LIMCH1: variants seen among roughly 807,000 people sequenced by gnomAD.
The protein encoded by LIMCH1 is LIM and calponin homology domains-containing protein 1.
A neutral mutation model predicts 176.5 loss-of-function variants in LIMCH1; 113 were observed. That is an observed-to-expected ratio of 0.64 (90% CI 0.55 to 0.75). The LOEUF is 0.75. Ranked by LOEUF, LIMCH1 falls within the 30% of genes least tolerant of loss-of-function variation. The probability of loss-of-function intolerance (pLI) is 0.00; values close to 1 mark genes in which losing one functional copy is unlikely to be tolerated. For synonymous variants in LIMCH1, 619 were observed against 645.9 expected, an observed-to-expected ratio of 0.96 and a Z score of 0.63; for missense variants, 1,674 against 1,814.9, an observed-to-expected ratio of 0.92 and a Z score of 1.41.
chr4:41,625,070 G>A (rs2092852019), intron 7 of LIMCH1, among the ~76,000 whole-genome samples: 1 of 152,142 alleles, frequency 6.6e-6, no homozygotes, highest in South Asian at 2.1e-4. Flanking sequence ...AAATAAAAGT[G>A]CCAAACCTCC....
chr4:41,613,387 G>T (rs2091697506), intron 4 of LIMCH1, 79 bp from the exon 5 acceptor site: 10 of 1,210,204 alleles, frequency 8.3e-6, no homozygotes, highest in Non-Finnish European at 9.3e-6. Flanking sequence ...GGGTTTTTTT[G>T]GAGACCACTG....
chr4:41,645,394 C>T (rs975256363), intron 15 of LIMCH1, among the ~76,000 whole-genome samples: 1 of 152,196 alleles, frequency 6.6e-6, no homozygotes, highest in African/African-American at 2.4e-5. Flanking sequence ...GTGCCTGGCA[C>T]CTTACGTCTA....
At chr4:41,592,422 T>A (rs930771341) in intron 1 of LIMCH1, among the ~76,000 whole-genome samples, 3 of 152,228 alleles carry the variant, frequency 2.0e-5, no homozygotes, top group Non-Finnish European at 2.9e-5. Flanking sequence ...ACTGTCAAGC[T>A]GGTGGTTAAT....
intron 2 of LIMCH1, among the ~76,000 whole-genome samples, chr4:41,495,272 G>A (rs1230933292): frequency 2.0e-5 from 3 of 152,186 alleles, no homozygotes; most frequent in Non-Finnish European, 2.9e-5. Flanking sequence ...AACAGGTTTT[G>A]TGATTTCAAT....
chr4:41,680,180 C>A, intron 24 of LIMCH1, 82 bp downstream of exon 24: 2 of 910,716 alleles, frequency 2.2e-6, no homozygotes, highest in Non-Finnish European at 3.5e-6. Flanking sequence ...CTGTGGCATG[C>A]GGATGCATGT....
intron 27 of LIMCH1, among the ~76,000 whole-genome samples, chr4:41,685,248 T>C (rs1172876122): frequency 1.3e-5 from 2 of 152,338 alleles, no homozygotes; most frequent in South Asian, 2.1e-4. Context: ...GGTTTGATTA[T>C]AATACATAAG....
chr4:41,373,883 G>A (rs1329519135), intron 1 of LIMCH1, among the ~76,000 whole-genome samples: 1 of 152,138 alleles, frequency 6.6e-6, no homozygotes, highest in Non-Finnish European at 1.5e-5. Context: ...TCTTGAGATA[G>A]TGAGGGAGCT....
At chr4:41,498,642 T>C (rs2072650042) in intron 2 of LIMCH1, among the ~76,000 whole-genome samples, 1 of 152,226 alleles carries the variant, frequency 6.6e-6, no homozygotes, top group Non-Finnish European at 1.5e-5. Flanking sequence ...TACGGCACAG[T>C]GTCCTTGATG....
intron 1 of LIMCH1, among the ~76,000 whole-genome samples, chr4:41,480,805 A>G (rs999552588): frequency 3.9e-5 from 6 of 152,190 alleles, no homozygotes; most frequent in African/African-American, 1.4e-4. Context: ...ATGCTGTGGT[A>G]AAGCTCATTT....
intron 30 of LIMCH1, among the ~76,000 whole-genome samples, chr4:41,690,643 G>A (rs1724807213): frequency 6.6e-6 from 1 of 152,048 alleles, no homozygotes; most frequent in Non-Finnish European, 1.5e-5. Flanking sequence ...AAATTTGCCT[G>A]GGTTTAAAAT....
chr4:41,639,367 C>T (rs188685640), intron 14 of LIMCH1, among the ~76,000 whole-genome samples: 1 of 152,300 alleles, frequency 6.6e-6, no homozygotes, highest in East Asian at 1.9e-4. Context: ...CCCATAGTCT[C>T]ATTTTTTAAC....
intron 2 of LIMCH1, among the ~76,000 whole-genome samples, chr4:41,503,964 G>A (rs966773736): frequency 3.9e-5 from 6 of 152,168 alleles, no homozygotes; most frequent in African/African-American, 1.2e-4. Flanking sequence ...TTGGAGTTGC[G>A]AGAGAGACCT....
intron 14 of LIMCH1, among the ~76,000 whole-genome samples, chr4:41,641,126 C>T (rs1319780501): frequency 6.6e-6 from 1 of 152,158 alleles, no homozygotes; most frequent in Non-Finnish European, 1.5e-5. Context: ...CCAAGGGAGA[C>T]TCCTGGACTC....
Position 41,418,583 on chromosome 4 carries a change from G to A in LIMCH1, c.96+57647G>A, listed in dbSNP as rs182531978. On this transcript the variant is annotated intron_variant, in intron 1 of 26. Coordinates refer to the LIMCH1 transcript ENST00000313860. The stretch of plus-strand genomic sequence containing the variant: ...CCTGCAGTCTGGTTGACAAGCCTCC[G>A]TGCCCGGCACCTGCGCCTTGTTGCC... 4.1e-4 allele frequency among the ~76,000 whole-genome samples: 59 copies of A among 144,346 alleles called. No individual in the cohort carries two copies. In the Middle Eastern group the frequency reaches 0.021, roughly 52 times the overall value. The allele number at this position is 144,346 out of a possible 152,430, so 94.7% of individuals were successfully genotyped here.
At chr4:41,495,032 C>A (rs941787081) in intron 2 of LIMCH1, among the ~76,000 whole-genome samples, 2 of 152,188 alleles carry the variant, frequency 1.3e-5, no homozygotes, top group African/African-American at 4.8e-5. Context: ...TAATGCTCCT[C>A]ACTTTGCCTG....
In LIMCH1 at chr4:41,650,481, C is replaced by T. The variant is rs2094247164; in HGVS notation, c.2909C>T (p.Ser970Phe). 1 of 1,614,006 alleles carries T rather than the reference C, an allele frequency of 6.2e-7. No homozygotes were observed. The highest frequency in any genetic ancestry group is 1.3e-5 in the African/African-American group (1 of 74,908). ...TGTCCCACGGTGGCACCTGCCCACTCCTTAACCAAATCCCAGATGTTTGAA... is the reference window on the plus strand; with the variant it reads ...TGTCCCACGGTGGCACCTGCCCACTTCTTAACCAAATCCCAGATGTTTGAA... ...RECPTVAPAH[S>F]LTKSQMFEGV... The change falls in exon 18 of 32, where the codon TCC becomes TTC. Residue 970 changes from serine (S) to phenylalanine (F), a missense_variant. Ser to Phe is a radical substitution (Grantham distance 155). This residue lies in a region of LIMCH1 where 1,015 missense variants were observed against 1,102.5 expected (regional missense o/e 0.92). Transcript: ENST00000503057.
At chr4:41,566,609 A>G (rs538666654) in intron 1 of LIMCH1, among the ~76,000 whole-genome samples, 1 of 152,308 alleles carries the variant, frequency 6.6e-6, no homozygotes, top group South Asian at 2.1e-4. Flanking sequence ...AGGAGCATCA[A>G]CATGTTGATA....
intron 22 of LIMCH1, among the ~76,000 whole-genome samples, chr4:41,674,729 CT>C (rs1304573710): frequency 2.6e-5 from 4 of 152,212 alleles, no homozygotes; most frequent in Non-Finnish European, 5.9e-5. Flanking sequence ...GCAAAATCAT[CT>C]CACACAAAGC....
intron 14 of LIMCH1, among the ~76,000 whole-genome samples, chr4:41,640,301 C>T (rs570809600): frequency 2.0e-5 from 3 of 152,266 alleles, no homozygotes; most frequent in African/African-American, 7.2e-5. Context: ...GTTTGGTGAG[C>T]GAAAACATTT....
Sources: gnomAD v4.1 joint callset for allele counts (sites outside exome capture counted in the v4.1 genomes callset) on GRCh38, gnomAD v4.1.1 for gene constraint, gnomAD v4.1.1 regional missense constraint, MANE v1.5 for transcripts, NCBI Gene and HGNC (gene_info 2026-07-23, HGNC 2026-07-21) for gene names.